The following VWC2 variants were observed in gnomAD, a reference collection of about 807,000 sequenced individuals.
VWC2 encodes the protein brorin.
A neutral mutation model predicts 29.8 loss-of-function variants in VWC2; 14 were observed. That is an observed-to-expected ratio of 0.47 (90% CI 0.31 to 0.74). The LOEUF is 0.74. Among genes scored for constraint, VWC2 ranks in the 30% least tolerant of loss-of-function variants. The pLI is 0.05. For synonymous variants in VWC2, 213 were observed against 199.0 expected, an observed-to-expected ratio of 1.07 and a Z score of -0.59; for missense variants, 457 against 459.8, an observed-to-expected ratio of 0.99 and a Z score of 0.05.
intron 3 of VWC2, among the ~76,000 whole-genome samples, chr7:49,861,688 G>T (rs934849919): frequency 2.0e-5 from 3 of 152,176 alleles, no homozygotes; most frequent in Non-Finnish European, 4.4e-5. Context: ...TGAGGTAGGG[G>T]ACCAACTTCA....
chr7:49,816,732 G>A (rs563361453), intron 3 of VWC2, among the ~76,000 whole-genome samples: 2 of 152,350 alleles, frequency 1.3e-5, no homozygotes, highest in East Asian at 3.9e-4. Context: ...TCAGTGTTCT[G>A]AACTGTCAAG....
intron 3 of VWC2, among the ~76,000 whole-genome samples, chr7:49,818,743 T>C (rs1437091503): frequency 6.7e-6 from 1 of 150,352 alleles, no homozygotes; most frequent in East Asian, 1.9e-4. Flanking sequence ...TATGTATATC[T>C]TCATATAAAT....
At chr7:49,783,087 C>T (rs1233671707) in intron 2 of VWC2, among the ~76,000 whole-genome samples, 1 of 152,114 alleles carries the variant, frequency 6.6e-6, no homozygotes, top group Non-Finnish European at 1.5e-5. Context: ...TCATTAGGGA[C>T]TGGCTCCATG....
At chr7:49,822,884 C>T (rs1303037947) in intron 3 of VWC2, among the ~76,000 whole-genome samples, 2 of 152,186 alleles carry the variant, frequency 1.3e-5, no homozygotes, top group African/African-American at 4.8e-5. Flanking sequence ...CTTGTATAGA[C>T]ACAGCACACT....
intron 3 of VWC2, among the ~76,000 whole-genome samples, chr7:49,880,956 G>A (rs934082726): frequency 6.6e-6 from 1 of 152,150 alleles, no homozygotes. Context: ...TCTGGCTTTG[G>A]TGTGCTTTTT....
intron 2 of VWC2, among the ~76,000 whole-genome samples, chr7:49,798,784 G>A (rs986714495): frequency 3.3e-5 from 5 of 152,204 alleles, no homozygotes; most frequent in African/African-American, 1.2e-4. Context: ...GGGCATTGGG[G>A]TTTGTGTTTG....
chr7:49,789,894 A>C (rs1376850965), intron 2 of VWC2, among the ~76,000 whole-genome samples: 2 of 152,230 alleles, frequency 1.3e-5, no homozygotes, highest in East Asian at 3.9e-4. Context: ...CGCTCCCTGC[A>C]CTGGCCCTGG....
At chr7:49,838,115 G>C (rs759266777) in intron 3 of VWC2, among the ~76,000 whole-genome samples, 1 of 152,226 alleles carries the variant, frequency 6.6e-6, no homozygotes, top group Non-Finnish European at 1.5e-5. Flanking sequence ...TAGGGGGACA[G>C]AGGACTGAAG....
chr7:49,899,250 C>G (rs1792574507), intron 3 of VWC2, among the ~76,000 whole-genome samples: 1 of 151,844 alleles, frequency 6.6e-6, no homozygotes, highest in South Asian at 2.1e-4. Flanking sequence ...CAAGAATATG[C>G]TAGACAAGGG....
intron 3 of VWC2, among the ~76,000 whole-genome samples, chr7:49,820,173 C>A (rs1028515715): frequency 1.3e-5 from 2 of 152,058 alleles, no homozygotes; most frequent in African/African-American, 2.4e-5. Flanking sequence ...TAGGTAGGTG[C>A]CATTACTTTT....
At chr7:49,888,064 T>A (rs1424668808) in intron 3 of VWC2, among the ~76,000 whole-genome samples, 2 of 152,262 alleles carry the variant, frequency 1.3e-5, no homozygotes, top group African/African-American at 2.4e-5. Context: ...ATTGATCATG[T>A]ACATCTCTGT....
At chr7:49,886,700 C>G (rs1791918382) in intron 3 of VWC2, among the ~76,000 whole-genome samples, 1 of 151,990 alleles carries the variant, frequency 6.6e-6, no homozygotes, top group African/African-American at 2.4e-5. Flanking sequence ...ATTTTGTCAC[C>G]TATTATGTAG....
rs772911430 is a variant in VWC2, at chr7:49,792,762, G to A, written c.697-9949G>A. The stretch of plus-strand genomic sequence containing the variant: ...GCTTGGCTGGAGGAGGCCAGATGTT[G>A]GAGTCACTGCACAGCCTCCTCCCTG... On this transcript the variant is annotated intron_variant, in intron 2 of 3. Transcript: ENST00000340652. 2.6e-5 allele frequency among the ~76,000 whole-genome samples: 4 copies of A among 152,254 alleles called. 1 individual carries two copies. The highest frequency in any genetic ancestry group is 1.9e-4 in the East Asian group (1 of 5,174).
At chr7:49,842,330 ATC>A (rs149300518) in intron 3 of VWC2, among the ~76,000 whole-genome samples, 1,872 of 152,336 alleles carry the variant, frequency 0.012, 41 homozygotes, top group African/African-American at 0.042. Flanking sequence ...AAACTATATT[ATC>A]TGTATACTTT....
At chr7:49,861,467 C>T (rs1473110675) in intron 3 of VWC2, among the ~76,000 whole-genome samples, 1 of 152,112 alleles carries the variant, frequency 6.6e-6, no homozygotes, top group African/African-American at 2.4e-5. Context: ...GATAAAATAT[C>T]CCATTATGCA....
rs888926057 is a variant in VWC2, at chr7:49,802,942, C to A, written c.826+102C>A. The A allele has an allele frequency of 3.4e-6, 5 of 1,481,366 alleles. No homozygotes were observed. The African/African-American group carries it at 6.9e-5, about 20-fold the overall frequency. The allele number at this position is 1,481,366 out of a possible 1,614,324, so 91.8% of individuals were successfully genotyped here. A position where few individuals can be genotyped will look rare whatever the true frequency, so the allele number is the denominator to read the frequency against. ...GGGACACATACGGATACGTGAGTTT[C>A]ATCCTATGTATCAATACACATGCGT... On this transcript the variant is annotated intron_variant, in intron 3 of 3. Coordinates refer to ENST00000340652, the MANE Select transcript of VWC2 (RefSeq NM_198570.5).
rs1363389158 is a variant in VWC2 at position 49,913,008 on chromosome 7, A to C, written c.*823A>C. 3 of 152,216 alleles carry C rather than the reference A, an allele frequency of 2.0e-5. No individual in the cohort carries two copies. Among genetic ancestry groups the C allele is most frequent in the Non-Finnish European group, 2.9e-5 (2 of 68,034 alleles). The allele number at this position is 152,216 out of a possible 1,614,324, so 9.4% of individuals were successfully genotyped here. Reference sequence around the variant, plus strand: ...ATCAAGCTGAAGCAGACAACAAAATAGGGGAGGAGTCCTTCGATTCTCCTA... The same window carrying C: ...ATCAAGCTGAAGCAGACAACAAAATCGGGGAGGAGTCCTTCGATTCTCCTA... On this transcript the variant is annotated 3_prime_UTR_variant, in exon 4 of 4. Coordinates refer to ENST00000340652, the MANE Select transcript of VWC2 (RefSeq NM_198570.5).
At chr7:49,871,951 ACACAC>A (rs1219198398) in intron 3 of VWC2, among the ~76,000 whole-genome samples, 1 of 112,230 alleles carries the variant, frequency 8.9e-6, no homozygotes, top group Non-Finnish European at 2.0e-5. Flanking sequence ...ACACACACAC[ACACAC>A]ACCGAGAAAG....
intron 3 of VWC2, among the ~76,000 whole-genome samples, chr7:49,862,828 C>A (rs1790712202): frequency 6.6e-6 from 1 of 152,010 alleles, no homozygotes; most frequent in Admixed American, 6.6e-5. Flanking sequence ...CCCATTTGGT[C>A]ATGATGTATA....
Sources: allele counts gnomAD v4.1 joint callset (sites outside exome capture counted in the v4.1 genomes callset), GRCh38; gene constraint gnomAD v4.1.1; transcripts MANE v1.5; gene names NCBI Gene and HGNC (gene_info 2026-07-23, HGNC 2026-07-21).